ZNF804B: variants seen among roughly 807,000 people sequenced by gnomAD.
ZNF804B encodes the protein zinc finger 804B.
Under a neutral mutation model 101.4 loss-of-function variants are expected in ZNF804B, and 80 were observed. The ratio of observed to expected loss-of-function variants is 0.79; its 90% CI spans 0.66 to 0.95. The LOEUF (loss-of-function observed/expected upper bound fraction) is 0.95. Among genes scored for constraint, ZNF804B ranks in the 40% least tolerant of loss-of-function variants. The probability of loss-of-function intolerance (pLI) is 0.00; values close to 1 mark genes in which losing one functional copy is unlikely to be tolerated. For synonymous variants in ZNF804B, 622 were observed against 558.8 expected (o/e 1.11, Z -1.59); for missense variants, 1,673 against 1,561.9 (o/e 1.07, Z -1.20).
chr7:88,776,791 C>CG (rs1491356922), intron 1 of ZNF804B, among the ~76,000 whole-genome samples: 2 of 100,124 alleles, frequency 2.0e-5, no homozygotes, highest in East Asian at 7.0e-4. Flanking sequence ...CCCCCCCCCC[C>CG]ACCCTGTTCA....
chr7:88,799,587 G>A (rs1229512849), intron 1 of ZNF804B, among the ~76,000 whole-genome samples: 1 of 151,960 alleles, frequency 6.6e-6, no homozygotes, highest in Non-Finnish European at 1.5e-5. Context: ...TTATACCTAG[G>A]TTTCAGCAAC....
At chr7:88,867,120 C>G (rs1420981829) in intron 1 of ZNF804B, among the ~76,000 whole-genome samples, 2 of 152,210 alleles carry the variant, frequency 1.3e-5, no homozygotes, top group East Asian at 3.9e-4. Context: ...AAGGAAAACC[C>G]TTGACATCAT....
intron 1 of ZNF804B, among the ~76,000 whole-genome samples, chr7:89,128,609 T>C (rs1218669053): frequency 3.9e-5 from 6 of 152,006 alleles, no homozygotes; most frequent in Non-Finnish European, 8.8e-5. Context: ...TTATCAGCCA[T>C]TCTTTTGCTG....
intron 1 of ZNF804B, among the ~76,000 whole-genome samples, chr7:88,931,702 C>G (rs73397337): frequency 0.015 from 2,311 of 151,868 alleles, 57 homozygotes; most frequent in African/African-American, 0.052. Context: ...TGAGTCCAGT[C>G]AGATCTTGCT....
intron 1 of ZNF804B, among the ~76,000 whole-genome samples, chr7:89,210,807 G>A (rs912681216): frequency 1.3e-5 from 2 of 152,142 alleles, no homozygotes; most frequent in African/African-American, 4.8e-5. Flanking sequence ...AATGAACATG[G>A]TATGCGTGTA....
At chr7:89,249,029 T>TAAAA (rs58553222) in intron 2 of ZNF804B, among the ~76,000 whole-genome samples, 2 of 119,232 alleles carry the variant, frequency 1.7e-5, no homozygotes, top group Non-Finnish European at 3.6e-5. Context: ...CCAATAACAG[T>TAAAA]AAAAAAAAAA....
At chr7:89,091,005 T>G (rs1401757355) in intron 1 of ZNF804B, among the ~76,000 whole-genome samples, 2 of 152,158 alleles carry the variant, frequency 1.3e-5, no homozygotes, top group African/African-American at 4.8e-5. Context: ...TGGACGTAAG[T>G]ATTGAGTATG....
intron 1 of ZNF804B, among the ~76,000 whole-genome samples, chr7:89,120,233 A>T (rs987381132): frequency 6.6e-5 from 10 of 152,166 alleles, no homozygotes; most frequent in Non-Finnish European, 1.2e-4. Flanking sequence ...GGTTGCAGTG[A>T]GCGGAGATCG....
At chr7:88,762,492 T>C (rs894775515) in intron 1 of ZNF804B, among the ~76,000 whole-genome samples, 2 of 152,218 alleles carry the variant, frequency 1.3e-5, no homozygotes, top group Admixed American at 1.3e-4. Context: ...TCTAGATAAA[T>C]GTGTGTTTGC....
chr7:88,771,989 C>T (rs1300259411), intron 1 of ZNF804B, among the ~76,000 whole-genome samples: 1 of 152,050 alleles, frequency 6.6e-6, no homozygotes, highest in Admixed American at 6.6e-5. Context: ...TGTTATACTT[C>T]CACAAGCATG....
intron 2 of ZNF804B, among the ~76,000 whole-genome samples, chr7:89,320,714 G>A (rs1340807058): frequency 2.0e-5 from 3 of 151,814 alleles, no homozygotes; most frequent in African/African-American, 7.3e-5. Flanking sequence ...AACATGCCAA[G>A]GTACACCATA....
chr7:89,285,074 C>G (rs930173939), intron 2 of ZNF804B, among the ~76,000 whole-genome samples: 1 of 151,764 alleles, frequency 6.6e-6, no homozygotes, highest in Non-Finnish European at 1.5e-5. Flanking sequence ...AAAAAAATAG[C>G]CAGGCATGGT....
intron 1 of ZNF804B, among the ~76,000 whole-genome samples, chr7:88,935,786 A>T (rs55988311): frequency 0.089 from 13,568 of 151,868 alleles, 744 homozygotes; most frequent in South Asian, 0.18. Flanking sequence ...TACTAAAAAA[A>T]TTTTTTTATC....
chr7:89,056,710 C>A (rs1789299934), intron 1 of ZNF804B, among the ~76,000 whole-genome samples: 1 of 152,092 alleles, frequency 6.6e-6, no homozygotes, highest in Non-Finnish European at 1.5e-5. Flanking sequence ...AAGGTTGGAT[C>A]TTACCAGTTT....
intron 1 of ZNF804B, among the ~76,000 whole-genome samples, chr7:89,124,358 C>A (rs1438831140): frequency 2.6e-5 from 4 of 152,074 alleles, no homozygotes; most frequent in Non-Finnish European, 4.4e-5. Flanking sequence ...GATGGGGATA[C>A]AAGGGAGAAA....
intron 2 of ZNF804B, among the ~76,000 whole-genome samples, chr7:89,234,114 A>G (rs1273361381): frequency 6.6e-6 from 1 of 152,200 alleles, no homozygotes; most frequent in East Asian, 1.9e-4. Context: ...AACTCAATAT[A>G]ATTTTTTGAC....
rs75609300 is a variant in ZNF804B at position 88,952,310 on chromosome 7, T to C, written c.108+192226T>C. Among the ~76,000 whole-genome samples, 523 of 151,920 alleles carry C rather than the reference T, an allele frequency of 3.4e-3. 2 individuals carry two copies. Among genetic ancestry groups the C allele is most frequent in the African/African-American group, 0.012 (497 of 41,508 alleles). ...GATCTGTCTGAAATTTTTAGAGAAATAGAATACTGGCGAGGCCTCAAACTG... is the reference window on the plus strand; with the variant it reads ...GATCTGTCTGAAATTTTTAGAGAAACAGAATACTGGCGAGGCCTCAAACTG... On this transcript the variant is annotated intron_variant, in intron 1 of 3. Transcript: ENST00000333190.
intron 1 of ZNF804B, among the ~76,000 whole-genome samples, chr7:89,069,941 T>C (rs1789511285): frequency 6.6e-6 from 1 of 152,190 alleles, no homozygotes; most frequent in Admixed American, 6.6e-5. Context: ...AGATGCCTGC[T>C]ACAAACTTAG....
intron 1 of ZNF804B, among the ~76,000 whole-genome samples, chr7:89,136,738 TG>T (rs1165753826): frequency 3.6e-5 from 1 of 27,688 alleles, no homozygotes; most frequent in African/African-American, 3.0e-4. Flanking sequence ...TGTGTGTGAG[TG>T]TGTGTGTGTG....
Sources: allele counts gnomAD v4.1 joint callset (sites outside exome capture counted in the v4.1 genomes callset), GRCh38; gene constraint gnomAD v4.1.1; transcripts MANE v1.5; gene names NCBI Gene and HGNC (gene_info 2026-07-23, HGNC 2026-07-21).